SMAD2: variants seen among roughly 807,000 people sequenced by gnomAD.
SMAD2 encodes MAD homolog 2.
A neutral mutation model predicts 64.4 loss-of-function variants in SMAD2; 8 were observed. The observed-to-expected ratio is 0.12, with a 90% CI of 0.07 to 0.22. The LOEUF is 0.22. Among genes scored for constraint, SMAD2 ranks in the 10% least tolerant of loss-of-function variants. The pLI is 1.00. For synonymous variants in SMAD2, 203 were observed against 195.8 expected (o/e 1.04, Z -0.31); for missense variants, 289 against 561.2 (o/e 0.51, Z 4.90).
At chr18:47,912,858 C>CA (rs566813544) in intron 1 of SMAD2, among the ~76,000 whole-genome samples, 7,742 of 58,710 alleles carry the variant, frequency 0.13, 457 homozygotes, top group Admixed American at 0.27. Context: ...GTATAAACAG[C>CA]AAAAAAAAAA....
intron 6 of SMAD2, among the ~76,000 whole-genome samples, chr18:47,863,424 C>T (rs1366619186): frequency 1.3e-5 from 2 of 152,192 alleles, no homozygotes. Context: ...CTGGCTGATT[C>T]AGCTTATTCT....
chr18:47,902,957 T>C (rs1221883011), intron 1 of SMAD2, among the ~76,000 whole-genome samples: 1 of 152,110 alleles, frequency 6.6e-6, no homozygotes, highest in East Asian at 1.9e-4. Context: ...CAAGTGTGCA[T>C]CCACCCCAAC....
At chr18:47,914,845 A>G (rs1017277540) in intron 1 of SMAD2, among the ~76,000 whole-genome samples, 3 of 152,156 alleles carry the variant, frequency 2.0e-5, no homozygotes, top group Non-Finnish European at 4.4e-5. Context: ...ATGTTCTACA[A>G]AAATCCTATA....
At chr18:47,929,516 T>C (rs1229004340) in intron 1 of SMAD2, among the ~76,000 whole-genome samples, 1 of 152,232 alleles carries the variant, frequency 6.6e-6, no homozygotes, top group African/African-American at 2.4e-5. Flanking sequence ...AAATTTAAGA[T>C]AGTCCAAATT....
At chr18:47,864,397 T>C (rs2031407753) in intron 6 of SMAD2, among the ~76,000 whole-genome samples, 1 of 152,164 alleles carries the variant, frequency 6.6e-6, no homozygotes. Context: ...GAAAGACTGA[T>C]GGTATAATTT....
At chr18:47,876,480 T>C (rs187325724) in intron 2 of SMAD2, among the ~76,000 whole-genome samples, 1 of 152,152 alleles carries the variant, frequency 6.6e-6, no homozygotes, top group African/African-American at 2.4e-5. Context: ...AAAGACAGAT[T>C]ATCCCCCATC....
rs1912359561 is a variant in SMAD2, at chr18:47,816,177, AGG to A, written c.*25648_*25649del. On this transcript the variant is annotated 3_prime_UTR_variant, in exon 11 of 11. Coordinates refer to ENST00000262160, the MANE Select transcript of SMAD2 (RefSeq NM_005901.6). ...ATTTAGTCAAGACAACAATAACAAA[AGG>A]CTTTCTTCAGGGAGGGCAGTGGAAG... 3 of 152,224 alleles carry A rather than the reference AGG, an allele frequency of 2.0e-5. No homozygotes were observed. Among genetic ancestry groups the A allele is most frequent in the South Asian group, 2.1e-4 (1 of 4,826 alleles). The allele number at this position is 152,224 out of a possible 1,614,324, so 9.4% of individuals were successfully genotyped here.
chr18:47,849,771 G>A (rs974361966), intron 7 of SMAD2, among the ~76,000 whole-genome samples: 1 of 152,042 alleles, frequency 6.6e-6, no homozygotes, highest in Admixed American at 6.6e-5. Flanking sequence ...ACTTTAGGAG[G>A]TCAAGGTGGG....
In SMAD2 at chr18:47,909,792, T is replaced by C. The variant is rs142688674; in HGVS notation, c.-53-12983A>G. Reference sequence around the variant, plus strand: ...CCAGTAAAAGACTGCCTTTTAAAGTTCTTTTGACATTGGACAATGTCGCTG... The same window carrying C: ...CCAGTAAAAGACTGCCTTTTAAAGTCCTTTTGACATTGGACAATGTCGCTG... On this transcript the variant is annotated intron_variant, in intron 1 of 10. Coordinates refer to ENST00000262160, the MANE Select transcript of SMAD2 (RefSeq NM_005901.6). Among the ~76,000 whole-genome samples, 61 of 152,290 alleles carry C rather than the reference T, an allele frequency of 4.0e-4. No individual in the cohort carries two copies. The East Asian group carries it at 0.011, about 27-fold the overall frequency.
chr18:47,821,307 ACTC>A lies in SMAD2; in HGVS notation c.*20517_*20519del, dbSNP rs1912565259. ...ATCTTTTTGTTTGGCAGGGGTGATA[ACTC>A]TTAACTTTTTCATTAGCTCCTGTAA... On this transcript the variant is annotated 3_prime_UTR_variant, in exon 11 of 11. Transcript: ENST00000262160. 1 of 151,990 alleles carries A rather than the reference ACTC, an allele frequency of 6.6e-6. No individual in the cohort carries two copies. Among genetic ancestry groups the A allele is most frequent in the African/African-American group, 2.4e-5 (1 of 41,380 alleles). 9.4% of individuals were successfully genotyped at this position (151,990 alleles called of 1,614,324 possible).
At chr18:47,875,351 C>T (rs2032204623) in intron 2 of SMAD2, among the ~76,000 whole-genome samples, 1 of 152,106 alleles carries the variant, frequency 6.6e-6, no homozygotes, top group Admixed American at 6.6e-5. Flanking sequence ...CCTTTGTGTA[C>T]CACCCAGCAA....
intron 1 of SMAD2, among the ~76,000 whole-genome samples, chr18:47,927,884 AGTGAACTCC>A (rs2034831194): frequency 6.6e-6 from 1 of 152,232 alleles, no homozygotes; most frequent in African/African-American, 2.4e-5. Flanking sequence ...GGGCAACAAG[AGTGAACTCC>A]GTCTCAAAAT....
At chr18:47,892,251 G>C (rs1253834821) in intron 2 of SMAD2, among the ~76,000 whole-genome samples, 1 of 148,498 alleles carries the variant, frequency 6.7e-6, no homozygotes, top group Non-Finnish European at 1.5e-5. Flanking sequence ...CCAAGCTGCA[G>C]TGCAGTGGCT....
In SMAD2 at chr18:47,831,859, T is replaced by C. The variant is rs1406025702; in HGVS notation, c.*9968A>G. The C allele has an allele frequency of 2.0e-5, 3 of 152,222 alleles. No homozygotes were observed. The highest frequency in any genetic ancestry group is 7.2e-5 in the African/African-American group (3 of 41,464). The allele number at this position is 152,222 out of a possible 1,614,324, so 9.4% of individuals were successfully genotyped here. ...CAAAAGATAATTTTTATGTGTAAAT[T>C]AGCTTTTTGGGTTTTTCTATTCCTT... On this transcript the variant is annotated 3_prime_UTR_variant, in exon 11 of 11. Coordinates refer to ENST00000262160, the MANE Select transcript of SMAD2 (RefSeq NM_005901.6).
At position 47,835,304 on chromosome 18, in the gene SMAD2, T is replaced by C. The variant is rs544724780; in HGVS notation, c.*6523A>G. 30 of 208,464 alleles carry C rather than the reference T, an allele frequency of 1.4e-4. No homozygotes were observed. In the East Asian group the frequency reaches 2.1e-3, roughly 15 times the overall value. The allele number at this position is 208,464 out of a possible 1,614,324, so 12.9% of individuals were successfully genotyped here. A position where few individuals can be genotyped will look rare whatever the true frequency, so the allele number is the denominator to read the frequency against. ...TTCAAAACTCATGCATGTTACCTAC[T>C]TGTCATGTGTGAATTATTTCTCACA... On this transcript the variant is annotated 3_prime_UTR_variant, in exon 11 of 11. Transcript: ENST00000262160.
chr18:47,890,627 T>TA (rs908472222), intron 2 of SMAD2, among the ~76,000 whole-genome samples: 20 of 152,178 alleles, frequency 1.3e-4, no homozygotes, highest in East Asian at 1.9e-4. Context: ...CTGTGAACAG[T>TA]AAAAAAAGTA....
At chr18:47,849,112 C>T (rs1484046955) in intron 7 of SMAD2, among the ~76,000 whole-genome samples, 1 of 151,868 alleles carries the variant, frequency 6.6e-6, no homozygotes, top group Admixed American at 6.6e-5. Flanking sequence ...AAAAGCCACA[C>T]AAAGAAAAAC....
chr18:47,923,736 T>C (rs1351358333), intron 1 of SMAD2: 1 of 152,202 alleles, frequency 6.6e-6, no homozygotes, highest in African/African-American at 2.4e-5. Context: ...TTATCTGTTT[T>C]ACATTTCGAA....
rs1362793736 is a variant in SMAD2 at position 47,814,358 on chromosome 18, T to C, written c.*27469A>G. 6.6e-6 allele frequency: 1 copy of C among 152,152 alleles called. No individual in the cohort carries two copies. The highest frequency in any genetic ancestry group is 2.4e-5 in the African/African-American group (1 of 41,438). 9.4% of individuals were successfully genotyped at this position (152,152 alleles called of 1,614,324 possible). A position where few individuals can be genotyped will look rare whatever the true frequency, so the allele number is the denominator to read the frequency against. On this transcript the variant is annotated 3_prime_UTR_variant, in exon 11 of 11. Coordinates refer to ENST00000262160, the MANE Select transcript of SMAD2 (RefSeq NM_005901.6). ...GGAAGATGATAAGTAGTCTTCAAAG[T>C]CAGACTTTACTGAGAATGAGAAGGG...
Sources: allele counts gnomAD v4.1 joint callset (sites outside exome capture counted in the v4.1 genomes callset), GRCh38; gene constraint gnomAD v4.1.1; transcripts MANE v1.5; gene names NCBI Gene and HGNC (gene_info 2026-07-23, HGNC 2026-07-21).